DPP10: variants seen among roughly 807,000 people sequenced by gnomAD.
DPP10 encodes inactive dipeptidyl peptidase 10.
DPP10 carries 33 observed loss-of-function variants against 120.9 expected under a neutral mutation model. The ratio of observed to expected loss-of-function variants is 0.27; its 90% CI spans 0.21 to 0.37. DPP10 has a LOEUF of 0.37. DPP10 is among the 10% of genes least tolerant of loss of function. The pLI, the probability that DPP10 is intolerant of heterozygous loss-of-function variation, is 1.00. For synonymous variants in DPP10, 337 were observed against 326.1 expected (o/e 1.03, Z -0.36); for missense variants, 816 against 942.8 (o/e 0.87, Z 1.76).
intron 1 of DPP10, among the ~76,000 whole-genome samples, chr2:114,762,768 C>G (rs1226162551): frequency 2.6e-5 from 4 of 152,100 alleles, no homozygotes; most frequent in African/African-American, 9.7e-5. Context: ...GTCCCAGGCA[C>G]AAGAGGTTGT....
chr2:114,658,194 A>G (rs564309329), intron 1 of DPP10, among the ~76,000 whole-genome samples: 1 of 152,312 alleles, frequency 6.6e-6, no homozygotes, highest in Admixed American at 6.5e-5. Flanking sequence ...AAATTTCATT[A>G]AGAGACTACC....
intron 3 of DPP10, among the ~76,000 whole-genome samples, chr2:115,495,154 T>C (rs1419734795): frequency 2.0e-5 from 3 of 151,860 alleles, no homozygotes; most frequent in Non-Finnish European, 2.9e-5. Flanking sequence ...TAAGGCGAAA[T>C]ATGAATAGGG....
chr2:115,225,906 C>T (rs1196531447), intron 1 of DPP10, among the ~76,000 whole-genome samples: 1 of 151,744 alleles, frequency 6.6e-6, no homozygotes, highest in African/African-American at 2.4e-5. Flanking sequence ...GATCAAAAGG[C>T]TTTTCTCCTC....
intron 3 of DPP10, among the ~76,000 whole-genome samples, chr2:115,344,310 C>A (rs1318414571): frequency 6.6e-6 from 1 of 152,220 alleles, no homozygotes. Flanking sequence ...AGTTTTGTAT[C>A]TGCTGCTCTC....
intron 2 of DPP10, among the ~76,000 whole-genome samples, chr2:115,335,648 A>T (rs1175115939): frequency 6.6e-6 from 1 of 152,128 alleles, no homozygotes; most frequent in Admixed American, 6.6e-5. Context: ...AGATATTTTG[A>T]AAAATCTAGA....
Position 115,805,735 on chromosome 2 carries a change from T to A in DPP10, c.1701-9058T>A, listed in dbSNP as rs908637932. Among the ~76,000 whole-genome samples, 8 of 152,042 alleles carry A rather than the reference T, an allele frequency of 5.3e-5. No individual in the cohort carries two copies. In the East Asian group the frequency reaches 1.6e-3, roughly 30 times the overall value. On this transcript the variant is annotated intron_variant, in intron 19 of 25. Coordinates refer to ENST00000410059, the MANE Select transcript of DPP10 (RefSeq NM_020868.6). ...GATTACAGGTGCCCGTCACCACACC[T>A]GGCTAATTTTTGTACTTTTAGTGGA... is the stretch of plus-strand genomic sequence containing the variant.
chr2:115,033,280 G>A (rs944592923), intron 1 of DPP10, among the ~76,000 whole-genome samples: 9 of 152,070 alleles, frequency 5.9e-5, no homozygotes, highest in African/African-American at 2.2e-4. Context: ...ATGAGATAAC[G>A]CTTTGTTATA....
At chr2:115,298,780 A>G (rs868605580) in intron 1 of DPP10, among the ~76,000 whole-genome samples, 9 of 152,016 alleles carry the variant, frequency 5.9e-5, no homozygotes, top group Non-Finnish European at 1.3e-4. Flanking sequence ...TTTATTTTCA[A>G]CAAGCTTTCA....
chr2:114,826,103 C>A lies in DPP10; in HGVS notation c.60+383265C>A, dbSNP rs375780468. On this transcript the variant is annotated intron_variant, in intron 1 of 25. Coordinates refer to ENST00000410059, the MANE Select transcript of DPP10 (RefSeq NM_020868.6). The stretch of plus-strand genomic sequence containing the variant: ...TTGTCTTGAAAAATAGAAAAACAAC[C>A]TTTCCAATGGAAAAATACCTGGTTT... 5.9e-5 allele frequency among the ~76,000 whole-genome samples: 9 copies of A among 152,062 alleles called. No homozygotes were observed. In the East Asian group the frequency reaches 1.5e-3, roughly 26 times the overall value.
chr2:115,694,246 T>G (rs1265221931), intron 7 of DPP10, among the ~76,000 whole-genome samples: 2 of 129,698 alleles, frequency 1.5e-5, no homozygotes, highest in Non-Finnish European at 3.4e-5. Flanking sequence ...ATGATTTTAT[T>G]AGAGATGAGT....
chr2:114,750,893 C>G (rs774753916), intron 1 of DPP10, among the ~76,000 whole-genome samples: 3 of 152,176 alleles, frequency 2.0e-5, no homozygotes, highest in Non-Finnish European at 2.9e-5. Flanking sequence ...TTTGGAGACA[C>G]CAGTTGAAAT....
At chr2:115,606,149 T>C (rs1217569156) in intron 5 of DPP10, among the ~76,000 whole-genome samples, 1 of 152,180 alleles carries the variant, frequency 6.6e-6, no homozygotes, top group Non-Finnish European at 1.5e-5. Context: ...CACAAAATTA[T>C]TTTATTGTCT....
intron 3 of DPP10, among the ~76,000 whole-genome samples, chr2:115,493,720 G>A (rs1161447279): frequency 6.6e-6 from 1 of 152,078 alleles, no homozygotes; most frequent in East Asian, 1.9e-4. Context: ...TATTAAACAT[G>A]GGGGAAGAAC....
intron 1 of DPP10, among the ~76,000 whole-genome samples, chr2:115,283,451 ATTG>A (rs1413201215): frequency 6.6e-6 from 1 of 151,930 alleles, no homozygotes; most frequent in East Asian, 1.9e-4. Context: ...TTGATTATTT[ATTG>A]TTTTATATTG....
chr2:115,652,725 C>G (rs1329317420), intron 5 of DPP10, among the ~76,000 whole-genome samples: 1 of 151,776 alleles, frequency 6.6e-6, no homozygotes, highest in Non-Finnish European at 1.5e-5. Flanking sequence ...AGCGAATCAT[C>G]TCTTATTCTG....
chr2:115,800,493 G>C (rs1685080538), intron 19 of DPP10, among the ~76,000 whole-genome samples: 1 of 152,080 alleles, frequency 6.6e-6, no homozygotes, highest in Non-Finnish European at 1.5e-5. Context: ...TGGTATTTTA[G>C]ACATGAAGTC....
chr2:114,649,981 G>A (rs1330405571), intron 1 of DPP10, among the ~76,000 whole-genome samples: 1 of 152,010 alleles, frequency 6.6e-6, no homozygotes. Flanking sequence ...TAATAACTAG[G>A]AGAACAAGTT....
chr2:115,265,589 C>T (rs1319701391), intron 1 of DPP10, among the ~76,000 whole-genome samples: 1 of 151,902 alleles, frequency 6.6e-6, no homozygotes, highest in Admixed American at 6.6e-5. Flanking sequence ...TATTTTATTT[C>T]ATTGGGGGTG....
chr2:115,552,984 G>A (rs2079969335), intron 5 of DPP10, among the ~76,000 whole-genome samples: 1 of 152,008 alleles, frequency 6.6e-6, no homozygotes, highest in African/African-American at 2.4e-5. Flanking sequence ...TTCAGCTGTG[G>A]TGACTCAAAA....
Sources: gnomAD v4.1 joint callset for allele counts (sites outside exome capture counted in the v4.1 genomes callset) on GRCh38, gnomAD v4.1.1 for gene constraint, MANE v1.5 for transcripts, NCBI Gene and HGNC (gene_info 2026-07-23, HGNC 2026-07-21) for gene names.